The following STK39 variants were observed in gnomAD, a reference collection of about 807,000 sequenced individuals.
The protein encoded by STK39 is serine/threonine kinase 39, also known as STE20/SPS1-related proline-alanine-rich protein kinase.
A neutral mutation model predicts 77.8 loss-of-function variants in STK39; 20 were observed. The ratio of observed to expected loss-of-function variants is 0.26; its 90% CI spans 0.18 to 0.37. The LOEUF (loss-of-function observed/expected upper bound fraction) is 0.37. Among genes scored for constraint, STK39 ranks in the 10% least tolerant of loss-of-function variants. The probability of loss-of-function intolerance (pLI) is 1.00; values close to 1 mark genes in which losing one functional copy is unlikely to be tolerated. For synonymous variants in STK39, 246 were observed against 234.1 expected (o/e 1.05, Z -0.47); for missense variants, 479 against 656.5 (o/e 0.73, Z 2.95).
chr2:167,976,511 A>T (rs1229124992), intron 16 of STK39, among the ~76,000 whole-genome samples: 2 of 152,200 alleles, frequency 1.3e-5, no homozygotes, highest in Non-Finnish European at 2.9e-5. Context: ...AGGAGCCTGA[A>T]TTCTGGTAAG....
intron 1 of STK39, among the ~76,000 whole-genome samples, chr2:168,240,231 G>A (rs891112417): frequency 8.5e-5 from 13 of 152,114 alleles, no homozygotes; most frequent in African/African-American, 2.9e-4. Flanking sequence ...TGAAAAGGGA[G>A]GCAAGAGACA....
At chr2:167,967,637 A>G (rs1692195059) in intron 16 of STK39, among the ~76,000 whole-genome samples, 1 of 152,122 alleles carries the variant, frequency 6.6e-6, no homozygotes, top group African/African-American at 2.4e-5. Context: ...TACTTCCCTG[A>G]ATCTAAACAG....
At chr2:168,213,893 T>C (rs1689957888) in intron 1 of STK39, among the ~76,000 whole-genome samples, 1 of 152,128 alleles carries the variant, frequency 6.6e-6, no homozygotes, top group Admixed American at 6.6e-5. Context: ...AAACAAAAAT[T>C]AGAAACATCC....
chr2:168,074,467 G>C lies in STK39; in HGVS notation c.1242+515C>G, dbSNP rs1453187802. Among the ~76,000 whole-genome samples the C allele has an allele frequency of 2.0e-5, 3 of 152,296 alleles. No homozygotes were observed. In the East Asian group the frequency reaches 5.8e-4, roughly 29 times the overall value. On this transcript the variant is annotated intron_variant, in intron 12 of 17. Coordinates refer to ENST00000355999, the MANE Select transcript of STK39 (RefSeq NM_013233.3). ...GATGACCAGGCCTCAAAGGGAAGCT[G>C]TTAAAATTTTTTGAGTGCTCCTTAA...
At chr2:168,018,538 A>AAAAGAAAGAAAAAGAAAG (rs1553514700) in intron 14 of STK39, among the ~76,000 whole-genome samples, 7 of 85,430 alleles carry the variant, frequency 8.2e-5, no homozygotes, top group Non-Finnish European at 1.6e-4. Context: ...GAAAAGAAAG[A>AAAAGAAAGAAAAAGAAAG]AAAGAAAGAA....
In STK39 at chr2:168,242,015, T is replaced by G. The variant is rs564876047; in HGVS notation, c.208+5213A>C. On this transcript the variant is annotated intron_variant, in intron 1 of 17. Coordinates refer to ENST00000355999, the MANE Select transcript of STK39 (RefSeq NM_013233.3). Reference sequence around the variant, plus strand: ...TATTTTCAAACACCATCACAAAATGTACTATACAATAAACCATAAAAGTCA... The same window carrying G: ...TATTTTCAAACACCATCACAAAATGGACTATACAATAAACCATAAAAGTCA... Among the ~76,000 whole-genome samples, 5 of 152,280 alleles carry G rather than the reference T, an allele frequency of 3.3e-5. No homozygotes were observed. The South Asian group carries it at 1.0e-3, about 32-fold the overall frequency.
intron 2 of STK39, among the ~76,000 whole-genome samples, chr2:168,177,289 A>T (rs892868723): frequency 6.6e-6 from 1 of 152,000 alleles, no homozygotes; most frequent in African/African-American, 2.4e-5. Flanking sequence ...CCGGGCCATG[A>T]TTTCTCCTAT....
chr2:168,210,727 C>A (rs1006066484), intron 1 of STK39, among the ~76,000 whole-genome samples: 3 of 152,086 alleles, frequency 2.0e-5, no homozygotes, highest in African/African-American at 7.2e-5. Context: ...GCCATGTCAG[C>A]CAGGCTGGTC....
At chr2:168,095,191 C>T (rs1293973267) in intron 10 of STK39, among the ~76,000 whole-genome samples, 1 of 152,180 alleles carries the variant, frequency 6.6e-6, no homozygotes, top group East Asian at 1.9e-4. Context: ...CTACAAGGCA[C>T]CTGTCATGGG....
At chr2:168,068,102 G>A (rs916161878) in intron 12 of STK39, among the ~76,000 whole-genome samples, 1 of 152,158 alleles carries the variant, frequency 6.6e-6, no homozygotes, top group Non-Finnish European at 1.5e-5. Context: ...AGGAAAACCT[G>A]CTGCTATGAT....
At chr2:168,025,168 T>TC (rs1684665463) in intron 14 of STK39, among the ~76,000 whole-genome samples, 1 of 152,108 alleles carries the variant, frequency 6.6e-6, no homozygotes, top group Non-Finnish European at 1.5e-5. Flanking sequence ...CCTCACCATT[T>TC]CCCCTTCTCA....
chr2:168,065,032 T>C (rs376401899), intron 13 of STK39, among the ~76,000 whole-genome samples: 2 of 152,202 alleles, frequency 1.3e-5, no homozygotes, highest in East Asian at 1.9e-4. Flanking sequence ...CACAATGTTC[T>C]GTGGCTGGAA....
chr2:168,019,241 A>T (rs569653417), intron 14 of STK39, among the ~76,000 whole-genome samples: 1 of 152,208 alleles, frequency 6.6e-6, no homozygotes, highest in African/African-American at 2.4e-5. Context: ...CCGTGATTTC[A>T]CATTTCATGG....
intron 14 of STK39, among the ~76,000 whole-genome samples, chr2:168,059,751 C>A (rs1314427321): frequency 6.6e-6 from 1 of 152,194 alleles, no homozygotes; most frequent in East Asian, 1.9e-4. Context: ...TAGCTTTTCA[C>A]ACAGCAACAG....
chr2:167,981,591 C>T (rs1328373304), intron 16 of STK39, among the ~76,000 whole-genome samples: 3 of 152,110 alleles, frequency 2.0e-5, no homozygotes, highest in Non-Finnish European at 4.4e-5. Flanking sequence ...AAATGCTTCA[C>T]AAAAAAGTCT....
At position 168,063,530 on chromosome 2, in the gene STK39, G is replaced by A. The variant is rs1365913790; in HGVS notation, c.1346C>T (p.Ser449Phe). Reference protein sequence around the residue: ...NANEDYREASSCAVNLVLRLR... With the variant: ...NANEDYREASFCAVNLVLRLR... ...TCTCAAAACGAGGTTCACGGCACAA[G>A]AAGAAGCTTCTCTGTAGTCTTCATT... is the stretch of plus-strand genomic sequence containing the variant. The change falls in exon 14 of 18, where the codon TCT becomes TTT. Residue 449 changes from serine (S) to phenylalanine (F), a missense_variant. By Grantham distance (155) the Ser-to-Phe change is radical. This residue lies in a region of STK39 where 244 missense variants were observed against 296.8 expected (regional missense o/e 0.82). Transcript: ENST00000355999. 2.5e-6 allele frequency: 4 copies of A among 1,613,176 alleles called. No individual in the cohort carries two copies. The highest frequency in any genetic ancestry group is 3.3e-5 in the Admixed American group (2 of 59,974).
chr2:168,020,830 T>C (rs1039687905), intron 14 of STK39, among the ~76,000 whole-genome samples: 2 of 152,114 alleles, frequency 1.3e-5, no homozygotes, highest in African/African-American at 4.8e-5. Flanking sequence ...AATTCCATAC[T>C]GAAGGTACCA....
chr2:168,150,594 A>C (rs953478149), intron 5 of STK39, among the ~76,000 whole-genome samples: 4 of 151,730 alleles, frequency 2.6e-5, no homozygotes, highest in African/African-American at 9.7e-5. Context: ...ATGTGGCACT[A>C]CTCCTTTCTC....
chr2:168,165,427 G>A (rs1688671841), intron 3 of STK39, among the ~76,000 whole-genome samples: 1 of 152,010 alleles, frequency 6.6e-6, no homozygotes. Flanking sequence ...CAAGTCATCA[G>A]AATTTCTCAT....
Sources: gnomAD v4.1 joint callset for allele counts (sites outside exome capture counted in the v4.1 genomes callset) on GRCh38, gnomAD v4.1.1 for gene constraint, gnomAD v4.1.1 regional missense constraint, MANE v1.5 for transcripts, NCBI Gene and HGNC (gene_info 2026-07-23, HGNC 2026-07-21) for gene names.